EPS8: variants seen among roughly 807,000 people sequenced by gnomAD.
EPS8 encodes the protein EGFR pathway substrate 8, signaling adaptor, also known as epidermal growth factor receptor kinase substrate 8.
A neutral mutation model predicts 103.8 loss-of-function variants in EPS8; 42 were observed. The observed-to-expected ratio is 0.40, with a 90% CI of 0.32 to 0.52. The LOEUF (loss-of-function observed/expected upper bound fraction) is 0.52. Among genes scored for constraint, EPS8 ranks in the 20% least tolerant of loss-of-function variants. The pLI is 0.40. For synonymous variants in EPS8, 344 were observed against 344.6 expected, an observed-to-expected ratio of 1.00 and a Z score of 0.02; for missense variants, 969 against 1,005.1, an observed-to-expected ratio of 0.96 and a Z score of 0.49.
rs1271494606 is a variant in EPS8, at chr12:15,620,245, T to C, written c.*1072A>G. On this transcript the variant is annotated 3_prime_UTR_variant, in exon 21 of 21. Transcript: ENST00000281172. ...CACTATGAAAATTAATGAATCTAGATAATTTCTCTAAATGATTTATGTTAA... is the reference window on the plus strand; with the variant it reads ...CACTATGAAAATTAATGAATCTAGACAATTTCTCTAAATGATTTATGTTAA... 1 of 152,652 alleles carries C rather than the reference T, an allele frequency of 6.6e-6. No individual in the cohort carries two copies. The highest frequency in any genetic ancestry group is 1.5e-5 in the Non-Finnish European group (1 of 68,030). The allele number at this position is 152,652 out of a possible 1,614,324, so 9.5% of individuals were successfully genotyped here.
rs1373403908 is a variant in EPS8 at position 15,777,549 on chromosome 12, A to AG, written c.-22+11611dup. On this transcript the variant is annotated intron_variant, in intron 1 of 20. Transcript: ENST00000281172. The surrounding 1 kb of genome is among the most constrained non-coding windows in gnomAD (Gnocchi z 4.7). ...ATCCCTCCTTTGTTTCAAACCCCCTAGCAGCCTAAACTTAACCTTCACTGT... is the reference window on the plus strand; with the variant it reads ...ATCCCTCCTTTGTTTCAAACCCCCTAGGCAGCCTAAACTTAACCTTCACTGT... Among the ~76,000 whole-genome samples the AG allele has an allele frequency of 6.6e-6, 1 of 152,186 alleles. No individual in the cohort carries two copies. Among genetic ancestry groups the AG allele is most frequent in the Non-Finnish European group, 1.5e-5 (1 of 68,016 alleles).
At chr12:15,673,626 T>C (rs1459080284) in intron 3 of EPS8, among the ~76,000 whole-genome samples, 1 of 152,192 alleles carries the variant, frequency 6.6e-6, no homozygotes. Context: ...CATGTTGGAA[T>C]GAACTTTATA....
intron 1 of EPS8, among the ~76,000 whole-genome samples, chr12:15,786,190 A>G (rs1947309171): frequency 6.6e-6 from 1 of 152,128 alleles, no homozygotes; most frequent in African/African-American, 2.4e-5. Flanking sequence ...TGAGTATCAC[A>G]GTGACAAATC....
intron 17 of EPS8, among the ~76,000 whole-genome samples, chr12:15,636,609 T>C (rs1408430873): frequency 1.3e-5 from 2 of 152,194 alleles, no homozygotes; most frequent in African/African-American, 4.8e-5. Flanking sequence ...ACTTGTGCCC[T>C]TCACCCAGAA....
At chr12:15,623,664 A>G (rs1331266098) in intron 19 of EPS8, among the ~76,000 whole-genome samples, 1 of 152,186 alleles carries the variant, frequency 6.6e-6, no homozygotes, top group Non-Finnish European at 1.5e-5. Flanking sequence ...ATAATATGTC[A>G]AGGTCCCTTG....
In EPS8 at chr12:15,660,636, T is replaced by G. The variant is rs1945589828; in HGVS notation, c.915A>C (p.Lys305Asn). 3 of 1,561,548 alleles carry G rather than the reference T, an allele frequency of 1.9e-6. No individual in the cohort carries two copies. Among genetic ancestry groups the G allele is most frequent in the African/African-American group, 2.7e-5 (2 of 73,762 alleles). The change falls in exon 10 of 21, where the codon AAA becomes AAC. Residue 305 changes from lysine to asparagine, a missense_variant. By Grantham distance (94) the Lys-to-Asn change is moderately conservative (BLOSUM62 0). Coordinates refer to ENST00000281172, the MANE Select transcript of EPS8 (RefSeq NM_004447.6). ...TACCTCCTGGTCCTTTCCTTTTACC[T>G]TTCTTGTTTTTCTTCCTTTTAGAAA... ...SELSKRKKNK[K>N]GKRKGPGEGV...
chr12:15,784,886 A>G lies in EPS8; in HGVS notation c.-22+4275T>C, dbSNP rs556640978. Among the ~76,000 whole-genome samples, 2 of 152,270 alleles carry G rather than the reference A, an allele frequency of 1.3e-5. No individual in the cohort carries two copies. The highest frequency in any genetic ancestry group is 2.9e-5 in the Non-Finnish European group (2 of 67,956). On this transcript the variant is annotated intron_variant, in intron 1 of 20. Transcript: ENST00000281172. This position sits in a 1 kb window ranked among gnomAD's most constrained non-coding sequence, Gnocchi z 4.0. ...CAGTCTGGCAAGGCTGTATGATTCCAATTATACAACATCTGGAAAAGGCAA... is the reference window on the plus strand; with the variant it reads ...CAGTCTGGCAAGGCTGTATGATTCCGATTATACAACATCTGGAAAAGGCAA...
At chr12:15,651,044 T>G in intron 13 of EPS8, 38 bp from the exon 14 acceptor site, 1 of 1,552,144 alleles carries the variant, frequency 6.4e-7, no homozygotes, top group Non-Finnish European at 8.8e-7. Flanking sequence ...CAATAAAATC[T>G]AGGAATGTAT....
In EPS8 at chr12:15,681,301, C is replaced by A. The variant is rs1027761281; in HGVS notation, c.61G>T (p.Gly21Cys). Residue 21 changes from glycine (G) to cysteine (C), a missense_variant and splice_region_variant, in exon 3 of 21, where the codon GGC (glycine) becomes TGC (cysteine). Coordinates refer to ENST00000281172, the MANE Select transcript of EPS8 (RefSeq NM_004447.6). ...GAAAAGGTAGGTGATGATCCGTAGC[C>A]ACTGTAATAATAATAATAATAATAA... ...SFGMYPSQMN[G>C]YGSSPTFSQT... The A allele has an allele frequency of 7.7e-7, 1 of 1,290,698 alleles. No homozygotes were observed. The highest frequency in any genetic ancestry group is 1.0e-6 in the Non-Finnish European group (1 of 961,820). 80.0% of individuals were successfully genotyped at this position (1,290,698 alleles called of 1,614,324 possible).
chr12:15,757,327 A>G lies in EPS8; in HGVS notation c.-22+31834T>C, dbSNP rs1946996302. On this transcript the variant is annotated intron_variant, in intron 1 of 20. Transcript: ENST00000281172. The surrounding 1 kb of genome is among the most constrained non-coding windows in gnomAD (Gnocchi z 4.1). ...ATATTAATAACAAAGAGGTAAAGGT[A>G]TTTATTTAAGATGAAGAGATGGGCC... Among the ~76,000 whole-genome samples the G allele has an allele frequency of 6.6e-6, 1 of 152,190 alleles. No homozygotes were observed. Among genetic ancestry groups the G allele is most frequent in the African/African-American group, 2.4e-5 (1 of 41,446 alleles).
At position 15,734,651 on chromosome 12, in the gene EPS8, G is replaced by C. The variant is rs532666484; in HGVS notation, c.-21-51679C>G. ...GGACCTTGCAGTGAGCCGAGATCGC[G>C]CCACTGTACTCCAGCCTGGGCGACA... On this transcript the variant is annotated intron_variant, in intron 1 of 20. Coordinates refer to ENST00000281172, the MANE Select transcript of EPS8 (RefSeq NM_004447.6). This position sits in a 1 kb window ranked among gnomAD's most constrained non-coding sequence, Gnocchi z 4.1. Among the ~76,000 whole-genome samples, 2 of 152,070 alleles carry C rather than the reference G, an allele frequency of 1.3e-5. 1 individual carries two copies. Among genetic ancestry groups the C allele is most frequent in the African/African-American group, 4.8e-5 (2 of 41,462 alleles).
intron 6 of EPS8, among the ~76,000 whole-genome samples, chr12:15,668,049 A>C (rs1288650556): frequency 6.6e-6 from 1 of 152,184 alleles, no homozygotes; most frequent in East Asian, 1.9e-4. Context: ...CTGGTTTATA[A>C]AAATGTTTGA....
chr12:15,768,072 T>C lies in EPS8; in HGVS notation c.-22+21089A>G, dbSNP rs572437292. ...AGAGTTGGAAGAAATCTGGGAGATA[T>C]CCAATTTTTAAAAAAACTGTTCTGG... On this transcript the variant is annotated intron_variant, in intron 1 of 20. Transcript: ENST00000281172. Among the ~76,000 whole-genome samples the C allele has an allele frequency of 1.3e-5, 2 of 152,254 alleles. 1 individual carries two copies. Among genetic ancestry groups the C allele is most frequent in the African/African-American group, 4.8e-5 (2 of 41,538 alleles).
rs555591421 is a variant in EPS8 at position 15,748,954 on chromosome 12, A to C, written c.-22+40207T>G. Among the ~76,000 whole-genome samples the C allele has an allele frequency of 6.6e-6, 1 of 152,304 alleles. No homozygotes were observed. Among genetic ancestry groups the C allele is most frequent in the Non-Finnish European group, 1.5e-5 (1 of 68,026 alleles). ...TCATACCATAGAACATCAGCACTTT[A>C]TGTACTTGTCAAATGTTAATGTTAA... is the stretch of plus-strand genomic sequence containing the variant. On this transcript the variant is annotated intron_variant, in intron 1 of 20. Transcript: ENST00000281172. This position sits in a 1 kb window ranked among gnomAD's most constrained non-coding sequence, Gnocchi z 4.8.
chr12:15,669,615 A>G, intron 5 of EPS8, 49 bp downstream of exon 5: 1 of 1,554,554 alleles, frequency 6.4e-7, no homozygotes, highest in Non-Finnish European at 8.7e-7. Flanking sequence ...AAACATTAAT[A>G]TTTGTGGAGT....
In EPS8 at chr12:15,751,999, A is replaced by G. The variant is rs138672301; in HGVS notation, c.-22+37162T>C. 2.0e-5 allele frequency among the ~76,000 whole-genome samples: 3 copies of G among 152,312 alleles called. No individual in the cohort carries two copies. Among genetic ancestry groups the G allele is most frequent in the African/African-American group, 7.2e-5 (3 of 41,558 alleles). On this transcript the variant is annotated intron_variant, in intron 1 of 20. Coordinates refer to ENST00000281172, the MANE Select transcript of EPS8 (RefSeq NM_004447.6). The surrounding 1 kb of genome is among the most constrained non-coding windows in gnomAD (Gnocchi z 4.3). ...TTTCTAAGGCCAAGGCAAAGTGCCA[A>G]TACAGGAAATCAGTGACTGGATTTG...
intron 1 of EPS8, among the ~76,000 whole-genome samples, chr12:15,719,664 T>A (rs945598329): frequency 4.6e-5 from 7 of 152,336 alleles, no homozygotes; most frequent in African/African-American, 1.7e-4. Flanking sequence ...GGTGGCAGAA[T>A]TTAGCTGGGG....
intron 14 of EPS8, among the ~76,000 whole-genome samples, chr12:15,647,691 T>C (rs1189287456): frequency 1.3e-5 from 2 of 152,252 alleles, no homozygotes; most frequent in Non-Finnish European, 2.9e-5. Context: ...TAAACTGATC[T>C]TGACAGTCAA....
In EPS8 at chr12:15,654,045, G is replaced by A. The variant is rs1277902288; in HGVS notation, c.1250+100C>T. 10 of 1,157,472 alleles carry A rather than the reference G, an allele frequency of 8.6e-6. No homozygotes were observed. In the African/African-American group the frequency reaches 9.2e-5, roughly 11 times the overall value. 71.7% of individuals were successfully genotyped at this position (1,157,472 alleles called of 1,614,324 possible). Reference sequence around the variant, plus strand: ...GGTTTAGGTTTTTTCATCCTATGACGCTTAGTCCTTCGTATGTAGAAGGTT... The same window carrying A: ...GGTTTAGGTTTTTTCATCCTATGACACTTAGTCCTTCGTATGTAGAAGGTT... On this transcript the variant is annotated intron_variant, in intron 13 of 20. Coordinates refer to ENST00000281172, the MANE Select transcript of EPS8 (RefSeq NM_004447.6).
Sources: gnomAD v4.1 joint callset for allele counts (sites outside exome capture counted in the v4.1 genomes callset) on GRCh38, gnomAD v4.1.1 for gene constraint, Gnocchi (gnomAD v3.1) non-coding constraint, MANE v1.5 for transcripts, NCBI Gene and HGNC (gene_info 2026-07-23, HGNC 2026-07-21) for gene names.